The following LUC7L2 variants were observed in gnomAD, a reference collection of about 807,000 sequenced individuals.
LUC7L2 encodes the protein LUC7 like 2, pre-mRNA splicing factor.
Under a neutral mutation model 52.8 loss-of-function variants are expected in LUC7L2, and 25 were observed. The observed-to-expected ratio is 0.47, with a 90% confidence interval of 0.34 to 0.66. The LOEUF (loss-of-function observed/expected upper bound fraction) is 0.66, where lower values mean the gene tolerates loss of function less well. Among genes scored for constraint, LUC7L2 ranks in the 30% least tolerant of loss-of-function variants. The pLI, the probability that LUC7L2 is intolerant of heterozygous loss-of-function variation, is 0.01. For missense variants in LUC7L2, 328 were observed against 497.8 expected (o/e 0.66, Z 3.25); for synonymous variants, 144 against 160.9 (o/e 0.89, Z 0.80).
rs138219203 is a variant in LUC7L2 at position 139,386,923 on chromosome 7, T to G, written c.156+10767T>G. ...GGCTTGATTTTAGCTCACTGCAGCC[T>G]CCTCCTTCTGGGTTCAAGCGATTCT... On this transcript the variant is annotated intron_variant, in intron 2 of 9. Coordinates refer to ENST00000354926, the MANE Select transcript of LUC7L2 (RefSeq NM_016019.5). Among the ~76,000 whole-genome samples the G allele has an allele frequency of 4.1e-3, 627 of 152,186 alleles. 4 individuals are homozygous for G. The highest frequency in any genetic ancestry group is 0.014 in the African/African-American group (597 of 41,516).
At chr7:139,415,850 C>T (rs917364350) in intron 8 of LUC7L2, among the ~76,000 whole-genome samples, 3 of 151,434 alleles carry the variant, frequency 2.0e-5, no homozygotes, top group Non-Finnish European at 2.9e-5. Context: ...ATGTCATGTA[C>T]CTTTCTTTGA....
In LUC7L2 at chr7:139,407,168, G is replaced by T. The variant is rs1338624054; in HGVS notation, c.511-6G>T. 16 of 1,604,202 alleles carry T rather than the reference G, an allele frequency of 1.0e-5. No individual in the cohort carries two copies. In the Admixed American group the frequency reaches 2.6e-4, roughly 26 times the overall value. ...TATGGTCATTGTTTTTCTCACTTTT[G>T]TTTAGGAAGTTTATCGGAATTCTAT... On this transcript the variant is annotated splice_region_variant and splice_polypyrimidine_tract_variant and intron_variant, in intron 5 of 9. Coordinates refer to ENST00000354926, the MANE Select transcript of LUC7L2 (RefSeq NM_016019.5).
intron 8 of LUC7L2, among the ~76,000 whole-genome samples, chr7:139,414,549 A>G (rs1157167548): frequency 6.6e-6 from 1 of 152,266 alleles, no homozygotes; most frequent in Non-Finnish European, 1.5e-5. Flanking sequence ...ATATGTATTA[A>G]TAGCTTCTCA....
At position 139,422,589 on chromosome 7, in the gene LUC7L2, CTT is replaced by C. The variant is rs1376696683; in HGVS notation, c.*251_*252del. On this transcript the variant is annotated 3_prime_UTR_variant, in exon 10 of 10. Coordinates refer to ENST00000354926, the MANE Select transcript of LUC7L2 (RefSeq NM_016019.5). ...GTTTTATATAATAAGATGCTGATCT[CTT>C]TATTCTTTCAAGTAAGAGTGCTAGT... 11 of 753,554 alleles carry C rather than the reference CTT, an allele frequency of 1.5e-5. No homozygotes were observed. Among genetic ancestry groups the C allele is most frequent in the African/African-American group, 1.3e-4 (7 of 54,326 alleles). The allele number at this position is 753,554 out of a possible 1,614,324, so 46.7% of individuals were successfully genotyped here.
intron 2 of LUC7L2, among the ~76,000 whole-genome samples, chr7:139,385,283 A>G (rs1001893935): frequency 7.3e-5 from 11 of 151,090 alleles, no homozygotes; most frequent in East Asian, 1.9e-4. Context: ...GACATCTTCA[A>G]AAGTCTTGAA....
chr7:139,405,558 G>GT (rs1226212369), intron 4 of LUC7L2, 86 bp from the exon 5 acceptor site: 2 of 1,454,506 alleles, frequency 1.4e-6, no homozygotes, highest in East Asian at 5.0e-5. Context: ...TAGATAACAA[G>GT]TTTTTTCTCA....
At chr7:139,368,377 C>T (rs1800271032) in intron 1 of LUC7L2, among the ~76,000 whole-genome samples, 1 of 152,150 alleles carries the variant, frequency 6.6e-6, no homozygotes, top group Admixed American at 6.5e-5. Flanking sequence ...TTAAAAAGTA[C>T]AGAGGTCAAA....
At chr7:139,367,458 T>C (rs531565589) in intron 1 of LUC7L2, among the ~76,000 whole-genome samples, 125 of 152,318 alleles carry the variant, frequency 8.2e-4, no homozygotes, top group African/African-American at 3.0e-3. Context: ...TGCTAAAAAT[T>C]AGAAGTTGTT....
intron 7 of LUC7L2, among the ~76,000 whole-genome samples, chr7:139,411,846 T>A (rs1366176443): frequency 1.3e-5 from 2 of 150,508 alleles, no homozygotes; most frequent in Middle Eastern, 3.2e-3. Flanking sequence ...GAAATTTCAC[T>A]CTTTTCCCAG....
intron 1 of LUC7L2, chr7:139,375,154 A>G: frequency 1.0e-6 from 1 of 982,934 alleles, no homozygotes; most frequent in Non-Finnish European, 1.2e-6. Context: ...GATTCTAAGC[A>G]AAAAAATTTT....
At chr7:139,352,816 G>A (rs1383966177) in intron 1 of LUC7L2, among the ~76,000 whole-genome samples, 1 of 152,208 alleles carries the variant, frequency 6.6e-6, no homozygotes, top group Non-Finnish European at 1.5e-5. Context: ...CTAAAGGCAG[G>A]CTAATCCAAG....
intron 1 of LUC7L2, among the ~76,000 whole-genome samples, chr7:139,342,546 A>C (rs1799037451): frequency 1.3e-5 from 2 of 151,988 alleles, no homozygotes; most frequent in African/African-American, 4.8e-5. Context: ...TAAGATTGTG[A>C]TCACCTCCCA....
intron 1 of LUC7L2, among the ~76,000 whole-genome samples, chr7:139,370,204 AGT>A (rs1800373528): frequency 6.6e-6 from 1 of 152,208 alleles, no homozygotes; most frequent in African/African-American, 2.4e-5. Flanking sequence ...GGTTAAACTG[AGT>A]GTATATATTA....
intron 1 of LUC7L2, among the ~76,000 whole-genome samples, chr7:139,372,795 A>T (rs780232517): frequency 2.0e-5 from 3 of 152,224 alleles, no homozygotes; most frequent in Non-Finnish European, 2.9e-5. Context: ...TTAAAAAATT[A>T]AAAAAATTAA....
intron 3 of LUC7L2, among the ~76,000 whole-genome samples, chr7:139,401,100 C>T (rs1313753679): frequency 6.6e-6 from 1 of 152,002 alleles, no homozygotes; most frequent in Non-Finnish European, 1.5e-5. Context: ...TTAATATGTG[C>T]CTCACAAATG....
chr7:139,367,986 G>A (rs556083940), intron 1 of LUC7L2, among the ~76,000 whole-genome samples: 8 of 152,272 alleles, frequency 5.3e-5, no homozygotes, highest in African/African-American at 1.9e-4. Context: ...GGAGCAGAGC[G>A]GCAGGGCATG....
At chr7:139,381,355 T>C (rs1254020487) in intron 2 of LUC7L2, among the ~76,000 whole-genome samples, 5 of 92,194 alleles carry the variant, frequency 5.4e-5, no homozygotes, top group Admixed American at 2.0e-4. Flanking sequence ...ATTTTACATA[T>C]TTTATTTTAT....
At chr7:139,359,755 A>AG (rs1229123931), upstream of LUC7L2, 3 of 399,910 alleles carry the variant, frequency 7.5e-6, no homozygotes, top group African/African-American at 2.1e-5. Context: ...TCCGGGGTAA[A>AG]GGGGCGGGAG....
intron 5 of LUC7L2, 90 bp downstream of exon 5, chr7:139,405,877 C>G: frequency 7.1e-7 from 1 of 1,410,846 alleles, no homozygotes; most frequent in Non-Finnish European, 9.3e-7. Flanking sequence ...ATCTATACTT[C>G]TCTAAGAACA....
Sources: gnomAD v4.1 joint callset for allele counts (sites outside exome capture counted in the v4.1 genomes callset) on GRCh38, gnomAD v4.1.1 for gene constraint, MANE v1.5 for transcripts, NCBI Gene and HGNC (gene_info 2026-07-23, HGNC 2026-07-21) for gene names.